DENND3: variants seen among roughly 807,000 people sequenced by gnomAD.
DENND3 encodes the protein DENN domain containing 3.
Under a neutral mutation model 135.1 loss-of-function variants are expected in DENND3, and 88 were observed. That is an observed-to-expected ratio of 0.65 (90% CI 0.55 to 0.78). The LOEUF (loss-of-function observed/expected upper bound fraction) is 0.78, where lower values mean the gene tolerates loss of function less well. DENND3 is among the 30% of genes least tolerant of loss of function. The probability of loss-of-function intolerance (pLI) is 0.00; values close to 1 mark genes in which losing one functional copy is unlikely to be tolerated. For missense variants in DENND3, 1,392 were observed against 1,688.4 expected, an observed-to-expected ratio of 0.82 and a Z score of 3.08; for synonymous variants, 693 against 712.3, an observed-to-expected ratio of 0.97 and a Z score of 0.43.
intron 18 of DENND3, among the ~76,000 whole-genome samples, chr8:141,186,541 A>G (rs1823914807): frequency 6.6e-6 from 1 of 152,140 alleles, no homozygotes; most frequent in Non-Finnish European, 1.5e-5. Flanking sequence ...TTTTCCTTCT[A>G]GCTCATCAGC....
chr8:141,170,409 A>G (rs1027430508), intron 13 of DENND3, among the ~76,000 whole-genome samples: 2 of 151,826 alleles, frequency 1.3e-5, no homozygotes, highest in Admixed American at 6.6e-5. Context: ...GAAAATGTGT[A>G]TGTGTGTATA....
chr8:141,193,932 A>G, intron 22 of DENND3, 101 bp from the exon 23 acceptor site: 1 of 1,315,068 alleles, frequency 7.6e-7, no homozygotes, highest in Non-Finnish European at 1.1e-6. Context: ...AAGGACATAG[A>G]TTTGGAGGCA....
At chr8:141,159,707 C>G (rs1819899753) in intron 8 of DENND3, among the ~76,000 whole-genome samples, 2 of 152,212 alleles carry the variant, frequency 1.3e-5, no homozygotes, top group African/African-American at 4.8e-5. Context: ...TGCGTTGGTT[C>G]TGTTTATTTT....
At position 141,189,208 on chromosome 8, in the gene DENND3, C is replaced by A. The variant is rs560077107; in HGVS notation, c.3245+62C>A. On this transcript the variant is annotated intron_variant, in intron 19 of 22. Transcript: ENST00000519811. Reference sequence around the variant, plus strand: ...GCTTGTGGGTGGGCAGAAGGCACAGCGGGTAGGGTTCCCAAGTCTTGTGCC... The same window carrying A: ...GCTTGTGGGTGGGCAGAAGGCACAGAGGGTAGGGTTCCCAAGTCTTGTGCC... The A allele has an allele frequency of 1.9e-6, 3 of 1,606,320 alleles. No homozygotes were observed. In the African/African-American group the frequency reaches 4.0e-5, roughly 22 times the overall value.
At chr8:141,184,846 G>A (rs1472798093) in intron 17 of DENND3, 1 of 286,364 alleles carries the variant, frequency 3.5e-6, no homozygotes, top group Non-Finnish European at 6.6e-6. Flanking sequence ...TCTAGTGAAT[G>A]CTCACTCAGC....
intron 22 of DENND3, 154 bp downstream of exon 22, chr8:141,192,817 G>A (rs1053028222): frequency 1.3e-6 from 2 of 1,560,090 alleles, no homozygotes; most frequent in African/African-American, 2.7e-5. Flanking sequence ...CAGGGTTGGT[G>A]CCAACGGGCC....
chr8:141,154,565 C>CT lies in DENND3; in HGVS notation c.1075-1272dup, dbSNP rs1432000985. 1.1e-3 allele frequency among the ~76,000 whole-genome samples: 160 copies of CT among 142,266 alleles called. No homozygotes were observed. The highest frequency in any genetic ancestry group is 1.4e-3 in the Non-Finnish European group (91 of 64,464). 93.3% of individuals were successfully genotyped at this position (142,266 alleles called of 152,430 possible). A position where few individuals can be genotyped will look rare whatever the true frequency, so the allele number is the denominator to read the frequency against. Reference sequence around the variant, plus strand: ...ACATGTATTGGAATCTTTTTTTTTTCTTTTTTTTTTTTGTGAGATGGAGTT... The same window carrying CT: ...ACATGTATTGGAATCTTTTTTTTTTCTTTTTTTTTTTTTGTGAGATGGAGTT... On this transcript the variant is annotated intron_variant, in intron 7 of 22. Coordinates refer to ENST00000519811, the MANE Select transcript of DENND3 (RefSeq NM_001352890.3). This position sits in a 1 kb window ranked among gnomAD's most constrained non-coding sequence, Gnocchi z 4.4.
chr8:141,149,989 C>T lies in DENND3; in HGVS notation c.736-845C>T, dbSNP rs1246970815. On this transcript the variant is annotated intron_variant, in intron 5 of 22. Coordinates refer to ENST00000519811, the MANE Select transcript of DENND3 (RefSeq NM_001352890.3). ...TGACCTGTTTTCTCCCCCCGGCTCC[C>T]TGCTTCGCTTGATTTCTTACCCTCC... 2.0e-5 allele frequency among the ~76,000 whole-genome samples: 3 copies of T among 152,240 alleles called. No individual in the cohort carries two copies. In the East Asian group the frequency reaches 5.8e-4, roughly 29 times the overall value.
Position 141,166,196 on chromosome 8 carries a change from T to C in DENND3, c.1560T>C (p.Asn520=). The C allele has an allele frequency of 6.2e-7, 1 of 1,614,166 alleles. No homozygotes were observed. ...TTGCTTTTTCGTACCCCAGAATAAATGGAATGCTTCTAAGTCCAAGGAGAC... is the reference window on the plus strand; with the variant it reads ...TTGCTTTTTCGTACCCCAGAATAAACGGAATGCTTCTAAGTCCAAGGAGAC... ...LDTQSEEDRI[N]GMLLSPRRPT... Residue 520 remains asparagine, a synonymous_variant, in exon 12 of 23, where the codon AAT becomes AAC. Coordinates refer to ENST00000519811, the MANE Select transcript of DENND3 (RefSeq NM_001352890.3). The surrounding 1 kb of genome is among the most constrained non-coding windows in gnomAD (Gnocchi z 4.3).
At chr8:141,187,792 T>C (rs1468296177) in intron 18 of DENND3, among the ~76,000 whole-genome samples, 1 of 152,196 alleles carries the variant, frequency 6.6e-6, no homozygotes, top group Non-Finnish European at 1.5e-5. Context: ...AGTAAAAATA[T>C]TGACAAAAGT....
chr8:141,182,333 A>G lies in DENND3; in HGVS notation c.2944+1479A>G, dbSNP rs114143654. On this transcript the variant is annotated intron_variant, in intron 17 of 22. Coordinates refer to ENST00000519811, the MANE Select transcript of DENND3 (RefSeq NM_001352890.3). This position sits in a 1 kb window ranked among gnomAD's most constrained non-coding sequence, Gnocchi z 5.9. The stretch of plus-strand genomic sequence containing the variant: ...CTCTTCATGGCAGGCCAAGAAACCC[A>G]GGAACGCGATAGACCCTGGCTGAGT... 1,091 of 985,400 alleles carry G rather than the reference A, an allele frequency of 1.1e-3. 8 individuals are homozygous for G. In the African/African-American group the frequency reaches 0.018, roughly 16 times the overall value. 61.0% of individuals were successfully genotyped at this position (985,400 alleles called of 1,614,324 possible). A position where few individuals can be genotyped will look rare whatever the true frequency, so the allele number is the denominator to read the frequency against.
chr8:141,157,518 CT>C (rs1819592778), intron 8 of DENND3: 1 of 985,812 alleles, frequency 1.0e-6, no homozygotes. Flanking sequence ...AGCGCTTAGG[CT>C]TTTTGCAAAC....
intron 7 of DENND3, among the ~76,000 whole-genome samples, chr8:141,153,573 G>A (rs748115391): frequency 3.6e-4 from 55 of 152,314 alleles, no homozygotes; most frequent in Non-Finnish European, 7.2e-4. Context: ...GGAAGGGCCC[G>A]TTGGCTGGGC....
At chr8:141,188,962 C>G (rs202159313) in intron 18 of DENND3, 24 bp from the exon 19 acceptor site, 1 of 1,606,242 alleles carries the variant, frequency 6.2e-7, no homozygotes, top group African/African-American at 1.3e-5. Context: ...ACTGATTTCT[C>G]ACGTTCCCGT....
At position 141,168,048 on chromosome 8, in the gene DENND3, G is replaced by A. The variant is rs1439404560; in HGVS notation, c.1798G>A (p.Glu600Lys). Residue 600 changes from glutamate (E) to lysine (K), a missense_variant, in exon 13 of 23, where the codon GAA becomes AAA. Transcript: ENST00000519811. This position sits in a 1 kb window ranked among gnomAD's most constrained non-coding sequence, Gnocchi z 6.2. The stretch of plus-strand genomic sequence containing the variant: ...GTCCCCGTATACATTCAAGATTCCC[G>A]AAATCCACTTTCCGCTGGAGAGCAA... ...PKSPYTFKIP[E>K]IHFPLESKCV... 8.1e-6 allele frequency: 13 copies of A among 1,613,756 alleles called. No individual in the cohort carries two copies. The highest frequency in any genetic ancestry group is 9.3e-6 in the Non-Finnish European group (11 of 1,179,892).
intron 5 of DENND3, 75 bp from the exon 6 acceptor site, chr8:141,150,757 GAA>G: frequency 6.8e-7 from 1 of 1,472,480 alleles, no homozygotes. Context: ...CCTGGGCACC[GAA>G]ATAGTGACAG....
rs1400985888 is a variant in DENND3, at chr8:141,175,750, G to A, written c.2535+291G>A. 2 of 456,804 alleles carry A rather than the reference G, an allele frequency of 4.4e-6. No individual in the cohort carries two copies. The highest frequency in any genetic ancestry group is 3.3e-5 in the Admixed American group (1 of 29,894). 28.3% of individuals were successfully genotyped at this position (456,804 alleles called of 1,614,324 possible). ...TGGGAGGCAGGAAGTAAGAATGTGG[G>A]CTGACATTCTCATTAGGGACAGTAG... On this transcript the variant is annotated intron_variant, in intron 14 of 22. Coordinates refer to ENST00000519811, the MANE Select transcript of DENND3 (RefSeq NM_001352890.3). The surrounding 1 kb of genome is among the most constrained non-coding windows in gnomAD (Gnocchi z 5.4).
intron 4 of DENND3, among the ~76,000 whole-genome samples, chr8:141,143,694 C>G (rs1435645429): frequency 6.6e-6 from 1 of 152,180 alleles, no homozygotes; most frequent in Non-Finnish European, 1.5e-5. Context: ...GTGTGAGCCA[C>G]CGCACCCACC....
chr8:141,178,263 T>C, intron 16 of DENND3, 67 bp downstream of exon 16: 1 of 1,553,358 alleles, frequency 6.4e-7, no homozygotes, highest in Non-Finnish European at 8.8e-7. Context: ...TTTTATCTGG[T>C]CGATGTCTGT....
Sources: allele counts gnomAD v4.1 joint callset (sites outside exome capture counted in the v4.1 genomes callset), GRCh38; gene constraint gnomAD v4.1.1; non-coding constraint Gnocchi (gnomAD v3.1); transcripts MANE v1.5; gene names NCBI Gene and HGNC (gene_info 2026-07-23, HGNC 2026-07-21).